Variants in KLRD1 observed in about 807,000 individuals in gnomAD.
KLRD1 encodes killer cell lectin like receptor D1, also known as natural killer cells antigen CD94.
KLRD1 carries 21 observed loss-of-function variants against 22.6 expected under a neutral mutation model. The observed-to-expected ratio is 0.93, with a 90% CI of 0.66 to 1.34. The LOEUF (loss-of-function observed/expected upper bound fraction) is 1.34, where lower values mean the gene tolerates loss of function less well. Ranked by LOEUF, KLRD1 falls within the 40% of genes most tolerant of loss-of-function variation. The probability of loss-of-function intolerance (pLI) is 0.00; values close to 1 mark genes in which losing one functional copy is unlikely to be tolerated. For missense variants in KLRD1, 183 were observed against 208.6 expected (o/e 0.88, Z 0.76); for synonymous variants, 59 against 71.1 (o/e 0.83, Z 0.85).
rs922960932 is a variant in KLRD1 at position 10,322,193 on chromosome 12, C to G, written c.*7400C>G. On this transcript the variant is annotated 3_prime_UTR_variant, in exon 6 of 6. Transcript: ENST00000336164. Reference sequence around the variant, plus strand: ...TCCCCAGTAGCTGGGATTACAGGCACCCACCACCATGCCTGGCTAATTTTT... The same window carrying G: ...TCCCCAGTAGCTGGGATTACAGGCAGCCACCACCATGCCTGGCTAATTTTT... 2.0e-5 allele frequency: 3 copies of G among 152,320 alleles called. No individual in the cohort carries two copies. Among genetic ancestry groups the G allele is most frequent in the African/African-American group, 7.2e-5 (3 of 41,432 alleles). 9.4% of individuals were successfully genotyped at this position (152,320 alleles called of 1,614,324 possible).
Position 10,314,574 on chromosome 12 carries a change from C to T in KLRD1, c.420-99C>T, listed in dbSNP as rs1592095872. ...AAAAGGACTCAATATGTTAGTATCTCACTCAAATGCTTTTAAAATTTATAT... is the reference window on the plus strand; with the variant it reads ...AAAAGGACTCAATATGTTAGTATCTTACTCAAATGCTTTTAAAATTTATAT... On this transcript the variant is annotated intron_variant, in intron 5 of 5. Transcript: ENST00000336164. 9 of 1,080,930 alleles carry T rather than the reference C, an allele frequency of 8.3e-6. No individual in the cohort carries two copies. In the East Asian group the frequency reaches 2.5e-4, roughly 31 times the overall value. The allele number at this position is 1,080,930 out of a possible 1,614,324, so 67.0% of individuals were successfully genotyped here. A position where few individuals can be genotyped will look rare whatever the true frequency, so the allele number is the denominator to read the frequency against.
At chr12:10,308,191 G>A in intron 1 of KLRD1, 107 bp downstream of exon 1, 1 of 932,536 alleles carries the variant, frequency 1.1e-6, no homozygotes, top group Non-Finnish European at 1.7e-6. Flanking sequence ...ATTAACAGTG[G>A]ATGTTTTTAG....
chr12:10,290,562 A>AAC (rs1220112445), intron 1 of KLRD1, among the ~76,000 whole-genome samples: 2 of 152,180 alleles, frequency 1.3e-5, no homozygotes, highest in Non-Finnish European at 2.9e-5. Flanking sequence ...TGCACGCACA[A>AAC]ACACACACAC....
At chr12:10,255,894 T>G (rs1247746352) in intron 1 of KLRD1, among the ~76,000 whole-genome samples, 1 of 152,120 alleles carries the variant, frequency 6.6e-6, no homozygotes, top group African/African-American at 2.4e-5. Flanking sequence ...TTGTTCTGGT[T>G]GTTTTTTGCA....
chr12:10,302,295 G>A (rs1201448442), upstream of KLRD1, among the ~76,000 whole-genome samples: 1 of 152,142 alleles, frequency 6.6e-6, no homozygotes, highest in Non-Finnish European at 1.5e-5. Flanking sequence ...AGGTATGACT[G>A]TTCTCATCTA....
intron 1 of KLRD1, among the ~76,000 whole-genome samples, chr12:10,242,816 A>G (rs1949253791): frequency 6.6e-6 from 1 of 152,178 alleles, no homozygotes; most frequent in South Asian, 2.1e-4. Context: ...ATGTTTTCAT[A>G]TCCTGTTGTC....
At chr12:10,276,476 A>G (rs1203894053) in intron 1 of KLRD1, among the ~76,000 whole-genome samples, 1 of 152,162 alleles carries the variant, frequency 6.6e-6, no homozygotes, top group Non-Finnish European at 1.5e-5. Context: ...GCAGTGATCA[A>G]AATTTGAAAA....
At chr12:10,245,807 C>A (rs1949285266) in intron 1 of KLRD1, among the ~76,000 whole-genome samples, 1 of 151,976 alleles carries the variant, frequency 6.6e-6, no homozygotes, top group Admixed American at 6.6e-5. Flanking sequence ...GTTTTATTTC[C>A]CTTAAGAAAC....
intron 1 of KLRD1, among the ~76,000 whole-genome samples, chr12:10,265,758 AAAAAAAG>A (rs1354507320): frequency 6.6e-6 from 1 of 152,140 alleles, no homozygotes; most frequent in Non-Finnish European, 1.5e-5. Flanking sequence ...ATCCCTCTCA[AAAAAAAG>A]AAAAAGATTC....
intron 1 of KLRD1, among the ~76,000 whole-genome samples, chr12:10,243,465 T>G (rs1949259385): frequency 6.6e-6 from 1 of 151,332 alleles, no homozygotes; most frequent in Non-Finnish European, 1.5e-5. Context: ...AATACAAAAA[T>G]TAGCCAGGTG....
intron 1 of KLRD1, among the ~76,000 whole-genome samples, chr12:10,246,307 G>A (rs11053709): frequency 0.18 from 27,669 of 151,724 alleles, 4,019 homozygotes; most frequent in East Asian, 0.38. Context: ...ATATACTAGT[G>A]AACATAAAAT....
chr12:10,283,729 T>C (rs1000926473), intron 1 of KLRD1, among the ~76,000 whole-genome samples: 2 of 151,846 alleles, frequency 1.3e-5, no homozygotes, highest in Non-Finnish European at 2.9e-5. Context: ...GTGAAACATG[T>C]GTTGCAGGAA....
chr12:10,278,359 G>C (rs951672136), intron 1 of KLRD1, among the ~76,000 whole-genome samples: 1 of 152,092 alleles, frequency 6.6e-6, no homozygotes, highest in Non-Finnish European at 1.5e-5. Context: ...AATGGTGCCT[G>C]TCTTATCAAA....
intron 1 of KLRD1, among the ~76,000 whole-genome samples, chr12:10,257,939 A>C (rs1417267519): frequency 6.6e-6 from 1 of 152,026 alleles, no homozygotes; most frequent in Non-Finnish European, 1.5e-5. Context: ...AGGTCTTCTC[A>C]GGTCTTTTGG....
intron 1 of KLRD1, among the ~76,000 whole-genome samples, chr12:10,273,048 C>T (rs1026001549): frequency 6.6e-6 from 1 of 151,992 alleles, no homozygotes; most frequent in South Asian, 2.1e-4. Context: ...AACATACAAC[C>T]CTATTCCCTC....
intron 1 of KLRD1, among the ~76,000 whole-genome samples, chr12:10,256,425 G>GTTTT (rs139328118): frequency 1.5e-5 from 2 of 131,062 alleles, no homozygotes; most frequent in African/African-American, 6.1e-5. Context: ...GTGATTAGCT[G>GTTTT]TTTTTTTTTT....
In KLRD1 at chr12:10,313,532, T is replaced by C. The variant is rs201370383; in HGVS notation, c.419+19T>C. 157 of 1,418,980 alleles carry C rather than the reference T, an allele frequency of 1.1e-4. 1 individual carries two copies. Among genetic ancestry groups the C allele is most frequent in the Middle Eastern group, 3.6e-4 (2 of 5,522 alleles). 87.9% of individuals were successfully genotyped at this position (1,418,980 alleles called of 1,614,324 possible). ...AGTATCTGTAAGTTTCTGGCAATCA[T>C]GGCGTTTTTTGCTCTTTATGAATTT... On this transcript the variant is annotated intron_variant, in intron 5 of 5. Transcript: ENST00000336164.
Position 10,319,768 on chromosome 12 carries a change from G to A in KLRD1, c.*4975G>A, listed in dbSNP as rs1196989696. On this transcript the variant is annotated 3_prime_UTR_variant, in exon 6 of 6. Transcript: ENST00000336164. ...TACAGCCCCCAGCCAACACCTTGACGGCAACCTCATGAGAGACCCTGAGCT... is the reference window on the plus strand; with the variant it reads ...TACAGCCCCCAGCCAACACCTTGACAGCAACCTCATGAGAGACCCTGAGCT... The A allele has an allele frequency of 1.3e-5, 2 of 152,068 alleles. No individual in the cohort carries two copies. Among genetic ancestry groups the A allele is most frequent in the Admixed American group, 6.6e-5 (1 of 15,250 alleles). 9.4% of individuals were successfully genotyped at this position (152,068 alleles called of 1,614,324 possible). A position where few individuals can be genotyped will look rare whatever the true frequency, so the allele number is the denominator to read the frequency against.
At chr12:10,256,212 T>A (rs1949393848) in intron 1 of KLRD1, among the ~76,000 whole-genome samples, 2 of 152,024 alleles carry the variant, frequency 1.3e-5, no homozygotes, top group Admixed American at 1.3e-4. Context: ...AGGTCTGAAG[T>A]GAGTCTTTTA....
Sources: allele counts gnomAD v4.1 joint callset (sites outside exome capture counted in the v4.1 genomes callset), GRCh38; gene constraint gnomAD v4.1.1; transcripts MANE v1.5; gene names NCBI Gene and HGNC (gene_info 2026-07-23, HGNC 2026-07-21).